The following NEB variants were observed in gnomAD, a reference collection of about 807,000 sequenced individuals.
The protein encoded by NEB is nebulin.
NEB carries 512 observed loss-of-function variants against 952.2 expected under a neutral mutation model. That is an observed-to-expected ratio of 0.54 (90% CI 0.50 to 0.58). NEB has a LOEUF of 0.58. Ranked by LOEUF, NEB falls within the 20% of genes least tolerant of loss-of-function variation. NEB has a pLI of 0.00. For synonymous variants in NEB, 2,900 were observed against 3,149.8 expected, an observed-to-expected ratio of 0.92 and a Z score of 2.66; for missense variants, 8,428 against 9,231.1, an observed-to-expected ratio of 0.91 and a Z score of 3.56.
At chr2:151,658,916 A>G in intron 47 of NEB, 149 bp downstream of exon 47, 2 of 723,958 alleles carry the variant, frequency 2.8e-6, no homozygotes, top group Non-Finnish European at 2.4e-6. Context: ...CAACTCCGCA[A>G]AGCAAAATTA....
rs372813378 is a variant in NEB, at chr2:151,489,757, G to GT, written c.25404+213dup. On this transcript the variant is annotated intron_variant, in intron 181 of 181. Coordinates refer to ENST00000397345, the MANE Select transcript of NEB (RefSeq NM_001164508.2). Reference sequence around the variant, plus strand: ...AACTGATGCTTTGCTCTAGGTTTGGGTTTTTTTTTTAAGTTATTGAATAAT... The same window carrying GT: ...AACTGATGCTTTGCTCTAGGTTTGGGTTTTTTTTTTTAAGTTATTGAATAAT... Among the ~76,000 whole-genome samples the GT allele has an allele frequency of 2.7e-3, 397 of 148,056 alleles. 9 individuals are homozygous for GT. In the East Asian group the frequency reaches 0.045, roughly 17 times the overall value.
intron 71 of NEB, among the ~76,000 whole-genome samples, 167 bp downstream of exon 71, chr2:151,625,367 C>A (rs1342615850): frequency 6.6e-6 from 1 of 152,070 alleles, no homozygotes; most frequent in Admixed American, 6.6e-5. Context: ...ACCTTTCTAT[C>A]TGCCTATTTT....
chr2:151,567,930 T>C (rs2096479172), intron 113 of NEB, 141 bp downstream of exon 113: 2 of 628,380 alleles, frequency 3.2e-6, no homozygotes, highest in Admixed American at 5.6e-5. Context: ...GAGCAGGTAC[T>C]CCAACCATCA....
Position 151,510,877 on chromosome 2 carries a change from A to G in NEB, c.23346+1856T>C, listed in dbSNP as rs141948252. ...CTTACATTGCTTGTATTAACCCCCA[A>G]GTATGAGGTTTAAGAGTTATAAATA... is the stretch of plus-strand genomic sequence containing the variant. On this transcript the variant is annotated intron_variant, in intron 161 of 181. Transcript: ENST00000397345. 1.7e-3 allele frequency among the ~76,000 whole-genome samples: 260 copies of G among 152,346 alleles called. 2 individuals are homozygous for G. The South Asian group carries it at 0.031, about 18-fold the overall frequency.
At chr2:151,717,595 G>T in intron 9 of NEB, 75 bp from the exon 10 acceptor site, 2 of 1,061,854 alleles carry the variant, frequency 1.9e-6, no homozygotes, top group East Asian at 4.9e-5. Flanking sequence ...TTAAATTTTA[G>T]TGTAACATGT....
intron 75 of NEB, among the ~76,000 whole-genome samples, 199 bp downstream of exon 75, chr2:151,617,165 T>C (rs2098228097): frequency 6.6e-6 from 1 of 152,226 alleles, no homozygotes; most frequent in South Asian, 2.1e-4. Flanking sequence ...CAATTCCTGA[T>C]AACCTGTTAA....
intron 20 of NEB, 90 bp from the exon 21 acceptor site, chr2:151,692,452 G>A: frequency 9.8e-7 from 1 of 1,015,640 alleles, no homozygotes; most frequent in Non-Finnish European, 1.5e-6. Flanking sequence ...CACTTTAACT[G>A]AAGGGGCAAA....
At chr2:151,708,420 A>G (rs1473683848) in intron 12 of NEB, among the ~76,000 whole-genome samples, 2 of 152,168 alleles carry the variant, frequency 1.3e-5, no homozygotes, top group Non-Finnish European at 2.9e-5. Context: ...AATCCATTTC[A>G]GAGACATTTG....
chr2:151,654,226 T>C (rs756314450), intron 51 of NEB, 127 bp from the exon 52 acceptor site: 170 of 500,074 alleles, frequency 3.4e-4, no homozygotes, highest in Non-Finnish European at 4.9e-4. Flanking sequence ...TTTAAAGATA[T>C]GGATAAAAAT....
chr2:151,666,060 A>G, intron 41 of NEB, 30 bp downstream of exon 41: 1 of 1,579,894 alleles, frequency 6.3e-7, no homozygotes, highest in Non-Finnish European at 8.6e-7. Flanking sequence ...CCCATTAGAA[A>G]TGGATAACAA....
Position 151,655,957 on chromosome 2 carries a change from C to T in NEB, c.6562G>A (p.Glu2188Lys). The change falls in exon 50 of 182, where the codon GAA becomes AAA. Residue 2188 changes from glutamate (E) to lysine (K), a missense_variant. Glu to Lys is a moderately conservative substitution (Grantham distance 56). Transcript: ENST00000397345. ...GTTGCTTTCTTGGCCTTCTCCACTTCCAGAGAACCTGCTGGACTCCAGCCA... is the reference window on the plus strand; with the variant it reads ...GTTGCTTTCTTGGCCTTCTCCACTTTCAGAGAACCTGCTGGACTCCAGCCA... ...GLGWSPAGSL[E>K]VEKAKKATEY... The T allele has an allele frequency of 6.2e-7, 1 of 1,613,768 alleles. No individual in the cohort carries two copies. The highest frequency in any genetic ancestry group is 8.5e-7 in the Non-Finnish European group (1 of 1,179,774).
Position 151,672,373 on chromosome 2 carries a change from C to T in NEB, c.4295G>A (p.Ser1432Asn), listed in dbSNP as rs770354687. 1.3e-6 allele frequency: 2 copies of T among 1,592,004 alleles called. No homozygotes were observed. Among genetic ancestry groups the T allele is most frequent in the East Asian group, 4.5e-5 (2 of 44,594 alleles). The change falls in exon 37 of 182, where the codon AGT (serine) becomes AAT (asparagine). Residue 1432 changes from serine (S) to asparagine (N), a missense_variant. Ser to Asn is a conservative substitution (Grantham distance 46). Coordinates refer to ENST00000397345, the MANE Select transcript of NEB (RefSeq NM_001164508.2). ...EHTRNVNQIQSDNVYKDEYNS... is the reference protein window; with the variant it reads ...EHTRNVNQIQNDNVYKDEYNS... ...TCTGTTGTTACACATACTTACATCA[C>T]TCTGAATTTGATTGACATTCCTCGT...
At position 151,667,846 on chromosome 2, in the gene NEB, G is replaced by C. The variant is rs2099239892; in HGVS notation, c.4677C>G (p.Ile1559Met). 6.2e-7 allele frequency: 1 copy of C among 1,612,646 alleles called. No individual in the cohort carries two copies. The highest frequency in any genetic ancestry group is 8.5e-7 in the Non-Finnish European group (1 of 1,178,922). ...TTGAACTTTTTGCAGCAACAATTGGGATGGCATCTGGTCTCAAATCATAGC... is the reference window on the plus strand; with the variant it reads ...TTGAACTTTTTGCAGCAACAATTGGCATGGCATCTGGTCTCAAATCATAGC... ...AKGYDLRPDA[I>M]PIVAAKSSRN... The change falls in exon 40 of 182, where the codon ATC becomes ATG. Residue 1559 changes from isoleucine (I) to methionine (M), a missense_variant. This residue lies in a region of NEB where 2,851 missense variants were observed against 2,791.5 expected (regional missense o/e 1.02). Transcript: ENST00000397345.
Position 151,662,279 on chromosome 2 carries a change from G to A in NEB, c.5826C>T (p.Ser1942=), listed in dbSNP as rs1283169862. ...MKGIGWLPLG[S]LEAEKNKKAM... Reference sequence around the variant, plus strand: ...CTTTCTTGTTTTTCTCTGCTTCCAGGGAGCCCAGAGGGAGCCATCCAATGC... The same window carrying A: ...CTTTCTTGTTTTTCTCTGCTTCCAGAGAGCCCAGAGGGAGCCATCCAATGC... Residue 1942 remains serine, a synonymous_variant, in exon 46 of 182, where the codon TCC becomes TCT. Transcript: ENST00000397345. The A allele has an allele frequency of 6.2e-7, 1 of 1,613,542 alleles. No individual in the cohort carries two copies. Among genetic ancestry groups the A allele is most frequent in the Non-Finnish European group, 8.5e-7 (1 of 1,179,638 alleles).
At chr2:151,541,377 G>T in intron 136 of NEB, 70 bp downstream of exon 136, 1 of 1,195,336 alleles carries the variant, frequency 8.4e-7, no homozygotes, top group Non-Finnish European at 1.2e-6. Context: ...CCACTGGCCA[G>T]GTGAGGCCAG....
At chr2:151,550,947 A>AATAATTATTATTATTATT (rs1553725130) in intron 129 of NEB, among the ~76,000 whole-genome samples, 6 of 138,892 alleles carry the variant, frequency 4.3e-5, no homozygotes, top group Non-Finnish European at 7.7e-5. Flanking sequence ...GCCTGGCCAA[A>AATAATTATTATTATTATT]ATTATTATTA....
In NEB at chr2:151,706,955, C is replaced by A. The variant is rs747423590; in HGVS notation, c.1078G>T (p.Asp360Tyr). Residue 360 changes from aspartate to tyrosine, a missense_variant, in exon 13 of 182, where the codon GAT becomes TAT. Asp to Tyr is a radical substitution (Grantham distance 160). This residue lies in a region of NEB where 2,851 missense variants were observed against 2,791.5 expected (regional missense o/e 1.02). Coordinates refer to ENST00000397345, the MANE Select transcript of NEB (RefSeq NM_001164508.2). ...EDYEKNKGKA[D>Y]YNVLPASENP... ...TCTGAAGCAGGAAGCACATTATAAT[C>A]TGCTTTTCCTTTATTCTTTTCATAG... The A allele has an allele frequency of 1.2e-6, 2 of 1,600,392 alleles. No individual in the cohort carries two copies. Among genetic ancestry groups the A allele is most frequent in the South Asian group, 2.3e-5 (2 of 88,296 alleles).
chr2:151,493,810 C>G lies in NEB; in HGVS notation c.24637G>C (p.Glu8213Gln). ...TTTTCTTGATTGCGTTTCACTCTTT[C>G]CATCTCAGGAGTAAAGGGTGTGGGG... ...ATPTPFTPEM[E>Q]RVKRNQENFS... The change falls in exon 175 of 182, where the codon GAA becomes CAA. Residue 8213 changes from glutamate to glutamine, a missense_variant. This residue lies in a region of NEB where 3,374 missense variants were observed against 3,651.5 expected (regional missense o/e 0.92). Transcript: ENST00000397345. 6.3e-7 allele frequency: 1 copy of G among 1,586,902 alleles called. No individual in the cohort carries two copies. Among genetic ancestry groups the G allele is most frequent in the South Asian group, 1.2e-5 (1 of 86,812 alleles).
chr2:151,705,534 A>G (rs1361160601), intron 13 of NEB, among the ~76,000 whole-genome samples: 1 of 152,220 alleles, frequency 6.6e-6, no homozygotes, highest in Non-Finnish European at 1.5e-5. Flanking sequence ...TAAAGAACTG[A>G]AAATAGAACT....
Sources: gnomAD v4.1 joint callset for allele counts (sites outside exome capture counted in the v4.1 genomes callset) on GRCh38, gnomAD v4.1.1 for gene constraint, gnomAD v4.1.1 regional missense constraint, MANE v1.5 for transcripts, NCBI Gene and HGNC (gene_info 2026-07-23, HGNC 2026-07-21) for gene names.